Variants in PPP4R4 observed in about 807,000 individuals in gnomAD.
PPP4R4 encodes serine/threonine-protein phosphatase 4 regulatory subunit 4.
A neutral mutation model predicts 121.8 loss-of-function variants in PPP4R4; 70 were observed. That is an observed-to-expected ratio of 0.57 (90% confidence interval 0.47 to 0.70). The LOEUF (loss-of-function observed/expected upper bound fraction) is 0.70. PPP4R4 is among the 30% of genes least tolerant of loss of function. The pLI is 0.00. For missense variants in PPP4R4, 875 were observed against 1,033.6 expected, an observed-to-expected ratio of 0.85 and a Z score of 2.10; for synonymous variants, 348 against 355.7, an observed-to-expected ratio of 0.98 and a Z score of 0.24.
At position 94,228,874 on chromosome 14, in the gene PPP4R4, A is replaced by AG. The variant is rs1891863999; in HGVS notation, c.295-1707dup. 2.6e-5 allele frequency among the ~76,000 whole-genome samples: 4 copies of AG among 152,246 alleles called. No individual in the cohort carries two copies. The South Asian group carries it at 8.3e-4, about 32-fold the overall frequency. ...ATGATGGTAATGAATAAACTGGTAA[A>AG]GGGGGGTAGTGAGAACTGGGATAAG... On this transcript the variant is annotated intron_variant, in intron 3 of 24. Transcript: ENST00000304338.
At chr14:94,193,551 A>G (rs1419251447) in intron 2 of PPP4R4, among the ~76,000 whole-genome samples, 2 of 152,194 alleles carry the variant, frequency 1.3e-5, no homozygotes, top group African/African-American at 4.8e-5. Context: ...TGTTGTGATT[A>G]GAAGGAGGTT....
chr14:94,256,753 T>C, intron 17 of PPP4R4, 149 bp downstream of exon 17: 1 of 935,316 alleles, frequency 1.1e-6, no homozygotes, highest in Non-Finnish European at 1.5e-6. Flanking sequence ...ATTTGGTTGA[T>C]ATGTGCTACA....
chr14:94,243,814 T>G (rs1274871425), intron 11 of PPP4R4, among the ~76,000 whole-genome samples: 8 of 152,066 alleles, frequency 5.3e-5, no homozygotes, highest in Admixed American at 1.3e-4. Context: ...CACTGGTGGA[T>G]TTAAATTTTT....
chr14:94,269,665 A>C (rs972954472), intron 23 of PPP4R4, among the ~76,000 whole-genome samples: 32 of 152,096 alleles, frequency 2.1e-4, no homozygotes, highest in Non-Finnish European at 2.1e-4. Flanking sequence ...CAGAAAAAAA[A>C]AAAACAAAAA....
chr14:94,249,044 G>C (rs1264504099), intron 14 of PPP4R4, among the ~76,000 whole-genome samples: 1 of 151,520 alleles, frequency 6.6e-6, no homozygotes, highest in Non-Finnish European at 1.5e-5. Context: ...TTGACTTCTG[G>C]CCCAAAAGAA....
At chr14:94,231,956 T>C (rs541797489) in intron 5 of PPP4R4, among the ~76,000 whole-genome samples, 1 of 152,190 alleles carries the variant, frequency 6.6e-6, no homozygotes, top group South Asian at 2.1e-4. Flanking sequence ...TATTGTGCTG[T>C]TGAATATTTT....
intron 2 of PPP4R4, among the ~76,000 whole-genome samples, chr14:94,197,403 T>A (rs996134666): frequency 2.0e-5 from 3 of 150,896 alleles, no homozygotes; most frequent in African/African-American, 7.4e-5. Context: ...TGGTTTATTT[T>A]ATTTATTTTG....
At chr14:94,259,730 C>A (rs935386208) in intron 19 of PPP4R4, among the ~76,000 whole-genome samples, 9 of 152,196 alleles carry the variant, frequency 5.9e-5, no homozygotes, top group African/African-American at 2.2e-4. Flanking sequence ...TAGTCCCCAA[C>A]AACCAATGAT....
intron 24 of PPP4R4, among the ~76,000 whole-genome samples, chr14:94,277,626 A>G (rs1023291329): frequency 1.3e-5 from 2 of 152,194 alleles, no homozygotes; most frequent in African/African-American, 4.8e-5. Context: ...TCTAAATGCC[A>G]TAGGCATTTT....
intron 2 of PPP4R4, among the ~76,000 whole-genome samples, chr14:94,201,206 A>T (rs889180659): frequency 2.0e-5 from 3 of 151,756 alleles, no homozygotes; most frequent in Non-Finnish European, 4.4e-5. Context: ...TGTAATTTTG[A>T]TTTTCTTAAA....
At chr14:94,241,581 A>G (rs1394477868) in intron 9 of PPP4R4, among the ~76,000 whole-genome samples, 1 of 152,100 alleles carries the variant, frequency 6.6e-6, no homozygotes, top group Non-Finnish European at 1.5e-5. Context: ...TGAAATTAAA[A>G]TATTACTGGT....
chr14:94,196,398 C>T (rs1201244340), intron 2 of PPP4R4, among the ~76,000 whole-genome samples: 2 of 148,470 alleles, frequency 1.3e-5, no homozygotes, highest in Non-Finnish European at 3.0e-5. Flanking sequence ...CTGCAACCTC[C>T]ACCCGCCAGG....
intron 14 of PPP4R4, among the ~76,000 whole-genome samples, chr14:94,248,770 T>C (rs1010828245): frequency 6.6e-6 from 1 of 152,184 alleles, no homozygotes; most frequent in Admixed American, 6.5e-5. Flanking sequence ...GTGCATTCCT[T>C]TGTCCACATT....
At chr14:94,179,315 A>G (rs1888847621) in intron 2 of PPP4R4, among the ~76,000 whole-genome samples, 1 of 152,236 alleles carries the variant, frequency 6.6e-6, no homozygotes, top group African/African-American at 2.4e-5. Flanking sequence ...ACACGGAATC[A>G]TACAGTATAT....
intron 19 of PPP4R4, 37 bp from the exon 20 acceptor site, chr14:94,264,841 G>A (rs371391055): frequency 6.8e-7 from 1 of 1,466,600 alleles, no homozygotes; most frequent in Non-Finnish European, 9.4e-7. Flanking sequence ...ACCTACTTCA[G>A]TTGTACCTTT....
chr14:94,185,708 G>A (rs1889238036), intron 2 of PPP4R4, among the ~76,000 whole-genome samples: 1 of 152,022 alleles, frequency 6.6e-6, no homozygotes, highest in African/African-American at 2.4e-5. Flanking sequence ...CATCCCATTT[G>A]GAAACATCCC....
chr14:94,178,829 T>A (rs913864358), intron 2 of PPP4R4, among the ~76,000 whole-genome samples: 1 of 152,226 alleles, frequency 6.6e-6, no homozygotes, highest in African/African-American at 2.4e-5. Context: ...TTCTCTTCTT[T>A]GTGATTTTGC....
intron 1 of PPP4R4, among the ~76,000 whole-genome samples, chr14:94,174,890 C>T (rs1230266053): frequency 6.6e-6 from 1 of 151,216 alleles, no homozygotes; most frequent in African/African-American, 2.4e-5. Flanking sequence ...GCGTCCGAAT[C>T]CCCCCGGCCC....
At chr14:94,184,998 G>C (rs1889190567) in intron 2 of PPP4R4, among the ~76,000 whole-genome samples, 1 of 152,234 alleles carries the variant, frequency 6.6e-6, no homozygotes, top group African/African-American at 2.4e-5. Flanking sequence ...TATTCAAGGA[G>C]ATAGTTTAAG....
Sources: allele counts gnomAD v4.1 joint callset (sites outside exome capture counted in the v4.1 genomes callset), GRCh38; gene constraint gnomAD v4.1.1; transcripts MANE v1.5; gene names NCBI Gene and HGNC (gene_info 2026-07-23, HGNC 2026-07-21).